NCOA2: variants seen among roughly 807,000 people sequenced by gnomAD.
NCOA2 encodes the protein class E basic helix-loop-helix protein 75.
In NCOA2, 21 loss-of-function variants were observed where a neutral mutation model predicts 145.1. The observed-to-expected ratio is 0.14, with a 90% confidence interval of 0.10 to 0.21. NCOA2 has a LOEUF of 0.21. NCOA2 is among the 10% of genes least tolerant of loss of function. The pLI, the probability that NCOA2 is intolerant of heterozygous loss-of-function variation, is 1.00. For missense variants in NCOA2, 1,472 were observed against 1,837.6 expected, an observed-to-expected ratio of 0.80 and a Z score of 3.64; for synonymous variants, 619 against 637.5, an observed-to-expected ratio of 0.97 and a Z score of 0.44.
chr8:70,408,755 G>C (rs1814816569), upstream of NCOA2, among the ~76,000 whole-genome samples: 2 of 150,202 alleles, frequency 1.3e-5, no homozygotes, highest in Non-Finnish European at 2.9e-5. Flanking sequence ...AGGAATACAG[G>C]TGTGTGCCAC....
At chr8:70,223,568 C>G (rs1409204807) in intron 2 of NCOA2, among the ~76,000 whole-genome samples, 3 of 152,156 alleles carry the variant, frequency 2.0e-5, no homozygotes, top group African/African-American at 7.2e-5. Context: ...TCTAACCTCT[C>G]CGACCTGTTT....
chr8:70,446,613 T>C, the NCOA2 span, among the ~76,000 whole-genome samples: 1 of 152,128 alleles, frequency 6.6e-6, no homozygotes, highest in Admixed American at 6.5e-5. Context: ...AAATCCCTAT[T>C]TTTTTCCCTC....
intron 10 of NCOA2, among the ~76,000 whole-genome samples, chr8:70,159,255 T>TTTTTTTTCC (rs1209017347): frequency 7.3e-6 from 1 of 137,598 alleles, no homozygotes; most frequent in African/African-American, 2.7e-5. Context: ...TTTTTTTTTT[T>TTTTTTTTCC]CCCCCAAATA....
chr8:70,152,359 C>A (rs1811839109), intron 11 of NCOA2, among the ~76,000 whole-genome samples: 1 of 152,150 alleles, frequency 6.6e-6, no homozygotes, highest in Admixed American at 6.5e-5. Context: ...TACAAGGCAT[C>A]TTTTCAAAAT....
At chr8:70,369,282 G>A (rs1338894419) in intron 1 of NCOA2, among the ~76,000 whole-genome samples, 1 of 152,196 alleles carries the variant, frequency 6.6e-6, no homozygotes, top group East Asian at 1.9e-4. Flanking sequence ...TCCATTTAAG[G>A]AAGGCTGTAG....
intron 1 of NCOA2, among the ~76,000 whole-genome samples, chr8:70,305,233 A>G (rs1375588801): frequency 6.6e-6 from 1 of 151,754 alleles, no homozygotes; most frequent in African/African-American, 2.4e-5. Flanking sequence ...GCAGTCTTTA[A>G]CTTCCAACAC....
At chr8:70,250,782 CAT>C in intron 2 of NCOA2, among the ~76,000 whole-genome samples, 1 of 152,060 alleles carries the variant, frequency 6.6e-6, no homozygotes, top group South Asian at 2.1e-4. Context: ...CTGAAGGTGA[CAT>C]GTTTAACAAG....
chr8:70,210,260 C>G (rs1015585524), intron 4 of NCOA2, among the ~76,000 whole-genome samples: 1 of 152,150 alleles, frequency 6.6e-6, no homozygotes, highest in East Asian at 1.9e-4. Context: ...TTAAAAACTG[C>G]CTGACACACA....
chr8:70,303,103 A>C (rs146992049), intron 1 of NCOA2, among the ~76,000 whole-genome samples: 19 of 152,316 alleles, frequency 1.2e-4, no homozygotes, highest in African/African-American at 4.3e-4. Flanking sequence ...AATTAATCTC[A>C]TATCTGTAGT....
chr8:70,394,755 A>G (rs1813506554), intron 1 of NCOA2, among the ~76,000 whole-genome samples: 3 of 152,224 alleles, frequency 2.0e-5, no homozygotes, highest in African/African-American at 7.2e-5. Flanking sequence ...TAGGGTTTAT[A>G]ACAATATCCT....
chr8:70,229,552 T>A lies in NCOA2; in HGVS notation c.-19-12788A>T, dbSNP rs1220949803. ...AAGAGTGAGACAATGCTAGAGTTGT[T>A]GTGGGGAGCCTGCATGCTGGGATGA... On this transcript the variant is annotated intron_variant, in intron 2 of 22. Transcript: ENST00000452400. Among the ~76,000 whole-genome samples, 3 of 152,132 alleles carry A rather than the reference T, an allele frequency of 2.0e-5. No homozygotes were observed. The East Asian group carries it at 5.8e-4, about 29-fold the overall frequency.
chr8:70,211,728 A>T (rs1819050283), intron 4 of NCOA2, among the ~76,000 whole-genome samples: 1 of 152,196 alleles, frequency 6.6e-6, no homozygotes, highest in African/African-American at 2.4e-5. Flanking sequence ...TTAAAAAACA[A>T]ATTATTAAAC....
intron 11 of NCOA2, among the ~76,000 whole-genome samples, chr8:70,153,326 A>G (rs1302695221): frequency 2.0e-5 from 3 of 150,458 alleles, no homozygotes; most frequent in African/African-American, 7.3e-5. Context: ...TCTGGACTTT[A>G]TGTTTCCTAG....
At position 70,157,010 on chromosome 8, in the gene NCOA2, C is replaced by A; in HGVS notation, c.1355G>T (p.Gly452Val). ...ACCCTGAGGAGTGGTTGCTTGCATG[C>A]CTGACACATGGTTCATTCCCCCAGA... is the stretch of plus-strand genomic sequence containing the variant. ...GGSGGMNHVS[G>V]MQATTPQGSN... The change falls in exon 11 of 23, where the codon GGC (glycine) becomes GTC (valine). Residue 452 changes from glycine to valine, a missense_variant. Coordinates refer to ENST00000452400, the MANE Select transcript of NCOA2 (RefSeq NM_006540.4). 6.2e-7 allele frequency: 1 copy of A among 1,614,044 alleles called. No individual in the cohort carries two copies. Among genetic ancestry groups the A allele is most frequent in the Non-Finnish European group, 8.5e-7 (1 of 1,179,898 alleles).
intron 4 of NCOA2, among the ~76,000 whole-genome samples, chr8:70,192,214 A>C (rs1264228801): frequency 6.6e-6 from 1 of 152,080 alleles, no homozygotes; most frequent in African/African-American, 2.4e-5. Flanking sequence ...CTTTTCCCTT[A>C]TTTTACTTTG....
At chr8:70,301,127 T>C (rs1400813334) in intron 1 of NCOA2, among the ~76,000 whole-genome samples, 2 of 152,168 alleles carry the variant, frequency 1.3e-5, no homozygotes, top group African/African-American at 2.4e-5. Flanking sequence ...GCCAACTTGA[T>C]TTGAAAAAGC....
At chr8:70,281,673 CCTTCT>C (rs1246581337) in intron 2 of NCOA2, among the ~76,000 whole-genome samples, 1 of 152,144 alleles carries the variant, frequency 6.6e-6, no homozygotes. Flanking sequence ...AGAAACATAG[CCTTCT>C]CTTCCACATA....
chr8:70,380,749 A>G (rs1256853914), intron 1 of NCOA2, among the ~76,000 whole-genome samples: 2 of 152,138 alleles, frequency 1.3e-5, no homozygotes, highest in East Asian at 3.9e-4. Flanking sequence ...TTGTTAATTC[A>G]TATATACCAC....
intron 6 of NCOA2, 59 bp downstream of exon 6, chr8:70,170,143 A>G (rs1365347973): frequency 6.7e-7 from 1 of 1,491,430 alleles, no homozygotes; most frequent in African/African-American, 1.4e-5. Flanking sequence ...CACTGTGTGT[A>G]TGAGGCAGGG....
Sources: allele counts gnomAD v4.1 joint callset (sites outside exome capture counted in the v4.1 genomes callset), GRCh38; gene constraint gnomAD v4.1.1; transcripts MANE v1.5; gene names NCBI Gene and HGNC (gene_info 2026-07-23, HGNC 2026-07-21).